The following NRXN1 variants were observed in gnomAD, a reference collection of about 807,000 sequenced individuals.
NRXN1 encodes the protein neurexin 1.
In NRXN1, 39 loss-of-function variants were observed where a neutral mutation model predicts 150.9. The ratio of observed to expected loss-of-function variants is 0.26; its 90% CI spans 0.20 to 0.34. The LOEUF is 0.34. Among genes scored for constraint, NRXN1 ranks in the 10% least tolerant of loss-of-function variants. NRXN1 has a pLI of 1.00. For missense variants in NRXN1, 1,815 were observed against 1,949.9 expected, an observed-to-expected ratio of 0.93 and a Z score of 1.30; for synonymous variants, 924 against 757.0, an observed-to-expected ratio of 1.22 and a Z score of -3.62.
chr2:50,391,223 C>A (rs1221236866), intron 17 of NRXN1, among the ~76,000 whole-genome samples: 2 of 148,520 alleles, frequency 1.3e-5, no homozygotes, highest in South Asian at 2.1e-4. Flanking sequence ...GAAAAAAAAG[C>A]AAGAAAAGAC....
At position 51,027,935 on chromosome 2, in the gene NRXN1, G is replaced by T. The variant is rs767682431; in HGVS notation, c.339C>A (p.Ala113=). 1.9e-6 allele frequency: 3 copies of T among 1,605,058 alleles called. No homozygotes were observed. The South Asian group carries it at 3.3e-5, about 18-fold the overall frequency. Residue 113 remains alanine (A), a synonymous_variant, in exon 2 of 23, where the codon GCC becomes GCA. Transcript: ENST00000401669. ...GGCGGCGGATGCGCACGCTGTGCCA[G>T]GCGCCGTCGTTAACCGGCGTGTCGG... The part of the protein sequence containing the change: ...LLADTPVNDG[A]WHSVRIRRQF...
At chr2:50,583,413 C>T (rs1294932660) in intron 8 of NRXN1, among the ~76,000 whole-genome samples, 1 of 152,122 alleles carries the variant, frequency 6.6e-6, no homozygotes, top group Non-Finnish European at 1.5e-5. Context: ...AAACCGTTCC[C>T]TAAAATCCTC....
At chr2:50,908,848 G>A (rs1684113656) in intron 5 of NRXN1, among the ~76,000 whole-genome samples, 2 of 151,880 alleles carry the variant, frequency 1.3e-5, no homozygotes, top group African/African-American at 2.4e-5. Context: ...AGCTGGCAGG[G>A]ACTCTCTTAC....
chr2:50,329,783 C>T (rs998311467), intron 17 of NRXN1, among the ~76,000 whole-genome samples: 5 of 148,284 alleles, frequency 3.4e-5, no homozygotes, highest in Admixed American at 2.7e-4. Flanking sequence ...GAATGATTCT[C>T]CAGCCTCAGT....
rs571359370 is a variant in NRXN1 at position 50,621,081 on chromosome 2, G to A, written c.1158+145C>T. Reference sequence around the variant, plus strand: ...AAGGTCAACAACAGATGAAAAGAAGGAGGTCAAAGTAAGCAGAAGAGTACC... The same window carrying A: ...AAGGTCAACAACAGATGAAAAGAAGAAGGTCAAAGTAAGCAGAAGAGTACC... On this transcript the variant is annotated intron_variant, in intron 7 of 22. Transcript: ENST00000401669. 219 of 601,672 alleles carry A rather than the reference G, an allele frequency of 3.6e-4. 1 individual carries two copies. In the African/African-American group the frequency reaches 3.8e-3, roughly 10 times the overall value. 37.3% of individuals were successfully genotyped at this position (601,672 alleles called of 1,614,324 possible).
Position 50,194,689 on chromosome 2 carries a change from C to T in NRXN1, c.3546+42100G>A, listed in dbSNP as rs2061648538. 2.6e-5 allele frequency among the ~76,000 whole-genome samples: 4 copies of T among 152,014 alleles called. No individual in the cohort carries two copies. The South Asian group carries it at 8.3e-4, about 31-fold the overall frequency. ...TAAACTCTCTGGGTTTTATTTAATTCCTCTGGAAATTTAAACATAATTTTT... is the reference window on the plus strand; with the variant it reads ...TAAACTCTCTGGGTTTTATTTAATTTCTCTGGAAATTTAAACATAATTTTT... On this transcript the variant is annotated intron_variant, in intron 18 of 22. Transcript: ENST00000401669.
intron 5 of NRXN1, chr2:50,898,637 C>G (rs528002843): frequency 9.7e-5 from 44 of 452,404 alleles, no homozygotes; most frequent in Non-Finnish European, 1.6e-4. Context: ...TTCAATTGTT[C>G]TACAATCTAA....
chr2:50,086,224 T>G (rs2152690695), intron 19 of NRXN1, among the ~76,000 whole-genome samples: 1 of 152,278 alleles, frequency 6.6e-6, no homozygotes, highest in African/African-American at 2.4e-5. Flanking sequence ...CCCTGCAATC[T>G]CTAAATAATA....
chr2:50,374,319 A>AAATAAATG (rs2080327846), intron 17 of NRXN1, among the ~76,000 whole-genome samples: 1 of 150,142 alleles, frequency 6.7e-6, no homozygotes, highest in East Asian at 1.9e-4. Flanking sequence ...ATAAATAAAT[A>AAATAAATG]AATAAATAAA....
chr2:50,101,697 T>G (rs530829268), intron 18 of NRXN1, among the ~76,000 whole-genome samples: 2 of 152,054 alleles, frequency 1.3e-5, no homozygotes, highest in African/African-American at 2.4e-5. Flanking sequence ...AGTGCTTCCA[T>G]TGATATAAGC....
At chr2:50,950,700 T>A (rs907656780) in intron 2 of NRXN1, among the ~76,000 whole-genome samples, 1 of 152,204 alleles carries the variant, frequency 6.6e-6, no homozygotes, top group Non-Finnish European at 1.5e-5. Flanking sequence ...GTAACATTAT[T>A]TCGGTAACAA....
chr2:50,908,731 G>A (rs552548793), intron 5 of NRXN1, among the ~76,000 whole-genome samples: 14 of 152,094 alleles, frequency 9.2e-5, no homozygotes, highest in East Asian at 3.9e-4. Context: ...AAATTAATAC[G>A]CTGACTGGAA....
intron 5 of NRXN1, among the ~76,000 whole-genome samples, chr2:50,789,076 A>C (rs1318251131): frequency 6.6e-6 from 1 of 152,216 alleles, no homozygotes. Context: ...ACCAAAACAA[A>C]GGCATATTAA....
chr2:50,436,929 C>T (rs908982166), intron 17 of NRXN1, among the ~76,000 whole-genome samples: 2 of 151,946 alleles, frequency 1.3e-5, no homozygotes, highest in African/African-American at 4.8e-5. Flanking sequence ...AATTTGTCTC[C>T]TAATAATAAT....
chr2:50,381,185 T>C (rs564437791), intron 17 of NRXN1, among the ~76,000 whole-genome samples: 1 of 152,062 alleles, frequency 6.6e-6, no homozygotes, highest in South Asian at 2.1e-4. Context: ...ATTATGGACA[T>C]TCAAAAGCCT....
intron 5 of NRXN1, among the ~76,000 whole-genome samples, chr2:50,852,076 G>A (rs757793004): frequency 3.9e-5 from 6 of 152,186 alleles, no homozygotes; most frequent in Non-Finnish European, 8.8e-5. Flanking sequence ...CCAGATGGTT[G>A]TTGCCAGAAG....
intron 8 of NRXN1, among the ~76,000 whole-genome samples, chr2:50,597,428 T>C (rs777311728): frequency 6.6e-6 from 1 of 152,178 alleles, no homozygotes; most frequent in Non-Finnish European, 1.5e-5. Context: ...TAACTGTCAT[T>C]CAGCTAGTGC....
chr2:50,189,220 C>A (rs552667344), intron 18 of NRXN1, among the ~76,000 whole-genome samples: 1 of 152,094 alleles, frequency 6.6e-6, no homozygotes, highest in Non-Finnish European at 1.5e-5. Context: ...TTTCCAGGGA[C>A]ATGGATGGAG....
intron 5 of NRXN1, among the ~76,000 whole-genome samples, chr2:50,862,074 C>T (rs1014950695): frequency 2.6e-5 from 4 of 151,592 alleles, no homozygotes; most frequent in East Asian, 2.0e-4. Context: ...TGGTGGTGGG[C>T]GCCTGTATTC....
Sources: allele counts gnomAD v4.1 joint callset (sites outside exome capture counted in the v4.1 genomes callset), GRCh38; gene constraint gnomAD v4.1.1; transcripts MANE v1.5; gene names NCBI Gene and HGNC (gene_info 2026-07-23, HGNC 2026-07-21).